TENM4: variants seen among roughly 807,000 people sequenced by gnomAD.
The protein encoded by TENM4 is teneurin-4.
Under a neutral mutation model 243.3 loss-of-function variants are expected in TENM4, and 82 were observed. The ratio of observed to expected loss-of-function variants is 0.34; its 90% CI spans 0.28 to 0.40. The LOEUF is 0.40. Among genes scored for constraint, TENM4 ranks in the 10% least tolerant of loss-of-function variants. The pLI is 1.00. For synonymous variants in TENM4, 1,412 were observed against 1,456.3 expected, an observed-to-expected ratio of 0.97 and a Z score of 0.69; for missense variants, 3,138 against 3,673.3, an observed-to-expected ratio of 0.85 and a Z score of 3.77.
At position 78,817,581 on chromosome 11, in the gene TENM4, T is replaced by C. The variant is rs991732172; in HGVS notation, c.1682-3186A>G. Reference sequence around the variant, plus strand: ...AAGTCAGTAGTGGATTCCTAAACACTGTTTTCAGAAAGAACCACTTAGGAA... The same window carrying C: ...AAGTCAGTAGTGGATTCCTAAACACCGTTTTCAGAAAGAACCACTTAGGAA... On this transcript the variant is annotated intron_variant, in intron 12 of 33. Coordinates refer to ENST00000278550, the MANE Select transcript of TENM4 (RefSeq NM_001098816.3). Among the ~76,000 whole-genome samples, 109 of 152,378 alleles carry C rather than the reference T, an allele frequency of 7.2e-4. 1 individual carries two copies. Among genetic ancestry groups the C allele is most frequent in the African/African-American group, 2.4e-3 (100 of 41,592 alleles).
intron 3 of TENM4, among the ~76,000 whole-genome samples, chr11:79,206,852 C>A (rs1208270797): frequency 2.6e-5 from 4 of 152,140 alleles, no homozygotes; most frequent in Non-Finnish European, 4.4e-5. Flanking sequence ...CGCTCCTCAC[C>A]ATGTAGCTTT....
intron 29 of TENM4, among the ~76,000 whole-genome samples, chr11:78,676,919 T>C (rs1307824425): frequency 2.0e-5 from 3 of 152,202 alleles, no homozygotes; most frequent in African/African-American, 2.4e-5. Context: ...ACTCCACTTA[T>C]ATGAAATGTC....
At chr11:78,778,776 A>C in intron 16 of TENM4, 148 bp from the exon 17 acceptor site, 1 of 678,408 alleles carries the variant, frequency 1.5e-6, no homozygotes, top group Middle Eastern at 2.5e-4. Context: ...AATAAAACCA[A>C]AGACAGGATG....
At chr11:79,433,000 A>T (rs926987853) in intron 1 of TENM4, among the ~76,000 whole-genome samples, 3 of 152,134 alleles carry the variant, frequency 2.0e-5, no homozygotes, top group African/African-American at 7.2e-5. Context: ...GGATCACAGG[A>T]TGAGAGGACT....
Position 79,064,787 on chromosome 11 carries a change from G to A in TENM4, c.444C>T (p.Ala148=), listed in dbSNP as rs1017357600. The A allele has an allele frequency of 6.4e-7, 1 of 1,551,654 alleles. No individual in the cohort carries two copies. Residue 148 remains alanine (A), a synonymous_variant, in exon 6 of 34, where the codon GCC becomes GCT. Transcript: ENST00000278550. ...TGTCGGTGAGTGTGAGATTGGAATT[G>A]GCCCGGCTGGACAGGCAGGAGCTGC... ...SGRSSCLSSR[A]NSNLTLTDTE...
At chr11:78,873,793 G>A (rs1442600112) in intron 9 of TENM4, among the ~76,000 whole-genome samples, 1 of 152,100 alleles carries the variant, frequency 6.6e-6, no homozygotes, top group Non-Finnish European at 1.5e-5. Flanking sequence ...AATATTCAAT[G>A]GTCTACGCTA....
At chr11:78,805,228 TG>T in intron 15 of TENM4, 63 bp downstream of exon 15, 1 of 662,532 alleles carries the variant, frequency 1.5e-6, no homozygotes, top group African/African-American at 5.3e-5. Flanking sequence ...GTCACGTGAT[TG>T]GTGACCATGT....
intron 22 of TENM4, 90 bp from the exon 23 acceptor site, chr11:78,726,312 T>C: frequency 7.0e-7 from 1 of 1,430,810 alleles, no homozygotes; most frequent in South Asian, 1.6e-5. Flanking sequence ...TGGCTTATCT[T>C]TTGTAGAAGA....
chr11:79,050,719 CATTT>C (rs1446481502), intron 6 of TENM4, among the ~76,000 whole-genome samples: 1 of 152,206 alleles, frequency 6.6e-6, no homozygotes, highest in East Asian at 1.9e-4. Flanking sequence ...ACAGCAAACT[CATTT>C]AGAAGCCAGG....
At chr11:78,863,548 C>T (rs1254112095) in intron 9 of TENM4, among the ~76,000 whole-genome samples, 5 of 152,130 alleles carry the variant, frequency 3.3e-5, no homozygotes, top group African/African-American at 1.2e-4. Context: ...GAACAGTTTA[C>T]TGAATAAGAA....
chr11:79,156,355 C>A (rs984779109), intron 3 of TENM4, among the ~76,000 whole-genome samples: 10 of 152,358 alleles, frequency 6.6e-5, no homozygotes, highest in African/African-American at 2.4e-4. Context: ...TGATTCCTCT[C>A]TGGTCCCTGT....
chr11:79,244,723 T>C (rs1220335594), intron 2 of TENM4, among the ~76,000 whole-genome samples: 1 of 152,154 alleles, frequency 6.6e-6, no homozygotes, highest in East Asian at 1.9e-4. Flanking sequence ...GCTCTTGTTA[T>C]AAAACAAACA....
chr11:79,371,278 C>T (rs1226732180), intron 1 of TENM4, among the ~76,000 whole-genome samples: 1 of 152,160 alleles, frequency 6.6e-6, no homozygotes, highest in Non-Finnish European at 1.5e-5. Flanking sequence ...TGCTTTCTGT[C>T]CCAGGTGCAC....
chr11:78,902,114 T>A (rs922416580), intron 7 of TENM4, among the ~76,000 whole-genome samples: 9 of 152,184 alleles, frequency 5.9e-5, no homozygotes, highest in Admixed American at 4.6e-4. Flanking sequence ...TTCCCACTAC[T>A]TTAGGAAGTA....
chr11:79,389,183 T>C (rs1858178213), intron 1 of TENM4, among the ~76,000 whole-genome samples: 2 of 152,042 alleles, frequency 1.3e-5, no homozygotes, highest in South Asian at 4.2e-4. Context: ...TTTGAGAAGG[T>C]CTCACTCCAT....
intron 4 of TENM4, among the ~76,000 whole-genome samples, chr11:79,108,499 G>A (rs1861426607): frequency 6.6e-6 from 1 of 151,986 alleles, no homozygotes; most frequent in Non-Finnish European, 1.5e-5. Context: ...TGTATACTGT[G>A]TGTGTGTGTA....
chr11:79,175,300 TA>T (rs1475592039), intron 3 of TENM4, among the ~76,000 whole-genome samples: 1 of 152,180 alleles, frequency 6.6e-6, no homozygotes, highest in Non-Finnish European at 1.5e-5. Context: ...CGGGTGATAG[TA>T]AAAACATTTA....
At chr11:79,410,623 A>G (rs1332628487) in intron 1 of TENM4, among the ~76,000 whole-genome samples, 1 of 152,196 alleles carries the variant, frequency 6.6e-6, no homozygotes, top group South Asian at 2.1e-4. Flanking sequence ...AGAAGTGTAT[A>G]TGAAAAGAGT....
chr11:78,745,494 T>A (rs536444690), intron 19 of TENM4, among the ~76,000 whole-genome samples: 1 of 151,838 alleles, frequency 6.6e-6, no homozygotes, highest in African/African-American at 2.4e-5. Flanking sequence ...CCTCTCAAAG[T>A]GGTAGGATTA....
Sources: allele counts gnomAD v4.1 joint callset (sites outside exome capture counted in the v4.1 genomes callset), GRCh38; gene constraint gnomAD v4.1.1; transcripts MANE v1.5; gene names NCBI Gene and HGNC (gene_info 2026-07-23, HGNC 2026-07-21).